THSD7A: variants seen among roughly 807,000 people sequenced by gnomAD.
The protein encoded by THSD7A is thrombospondin type 1 domain containing 7A.
THSD7A carries 96 observed loss-of-function variants against 231.3 expected under a neutral mutation model. The observed-to-expected ratio is 0.41, with a 90% confidence interval of 0.35 to 0.49. The LOEUF is 0.49. Among genes scored for constraint, THSD7A ranks in the 20% least tolerant of loss-of-function variants. THSD7A has a pLI of 0.05. For synonymous variants in THSD7A, 940 were observed against 743.3 expected, an observed-to-expected ratio of 1.26 and a Z score of -4.30; for missense variants, 2,290 against 2,070.2, an observed-to-expected ratio of 1.11 and a Z score of -2.06.
At chr7:11,652,175 C>A (rs953280418) in intron 1 of THSD7A, among the ~76,000 whole-genome samples, 1 of 151,774 alleles carries the variant, frequency 6.6e-6, no homozygotes, top group African/African-American at 2.4e-5. Flanking sequence ...TCATAAACCA[C>A]ACCAGTAAAC....
intron 4 of THSD7A, among the ~76,000 whole-genome samples, chr7:11,571,870 T>A (rs1167012271): frequency 6.6e-6 from 1 of 152,178 alleles, no homozygotes; most frequent in African/African-American, 2.4e-5. Flanking sequence ...TATAGGGTAT[T>A]TTTGCTGTTG....
intron 1 of THSD7A, among the ~76,000 whole-genome samples, chr7:11,697,876 C>G (rs988733784): frequency 6.6e-6 from 1 of 151,382 alleles, no homozygotes; most frequent in Non-Finnish European, 1.5e-5. Context: ...AAAAACAATA[C>G]CAATTAAATA....
chr7:11,732,355 A>C (rs951462916), intron 1 of THSD7A, among the ~76,000 whole-genome samples: 1 of 151,854 alleles, frequency 6.6e-6, no homozygotes, highest in African/African-American at 2.4e-5. Flanking sequence ...CAATGATGAA[A>C]ACCAAGTTCA....
intron 16 of THSD7A, 136 bp from the exon 17 acceptor site, chr7:11,417,739 G>T: frequency 2.4e-6 from 2 of 830,118 alleles, no homozygotes; most frequent in Non-Finnish European, 1.8e-6. Context: ...GGAGTAGGAA[G>T]CTTTGTTATC....
intron 6 of THSD7A, among the ~76,000 whole-genome samples, chr7:11,520,543 C>T (rs1358051977): frequency 6.6e-6 from 1 of 152,072 alleles, no homozygotes; most frequent in East Asian, 1.9e-4. Flanking sequence ...ATGTATATAT[C>T]TTTGCATATG....
At chr7:11,448,329 C>G (rs999066279) in intron 11 of THSD7A, among the ~76,000 whole-genome samples, 1 of 152,078 alleles carries the variant, frequency 6.6e-6, no homozygotes, top group Non-Finnish European at 1.5e-5. Context: ...GTTTAAAGCC[C>G]ACTTTCTCCC....
intron 4 of THSD7A, among the ~76,000 whole-genome samples, chr7:11,557,730 A>G (rs977293992): frequency 4.6e-5 from 7 of 152,140 alleles, no homozygotes; most frequent in African/African-American, 1.7e-4. Context: ...AGTTACTTTT[A>G]TGTGGCTGTG....
chr7:11,510,488 C>A (rs10243045), intron 6 of THSD7A, among the ~76,000 whole-genome samples: 26,504 of 152,152 alleles, frequency 0.17, 2,414 homozygotes, highest in Middle Eastern at 0.24. Flanking sequence ...GAATTTTAGA[C>A]CAATATCACT....
chr7:11,426,989 T>C (rs1784342545), intron 14 of THSD7A, among the ~76,000 whole-genome samples: 3 of 152,176 alleles, frequency 2.0e-5, no homozygotes. Flanking sequence ...AATTGATATA[T>C]GATGCAAATA....
chr7:11,733,728 A>G (rs1211633662), intron 1 of THSD7A, among the ~76,000 whole-genome samples: 1 of 151,944 alleles, frequency 6.6e-6, no homozygotes, highest in Non-Finnish European at 1.5e-5. Context: ...AATTAAGAAT[A>G]GATAGCTCCA....
rs1782313901 is a variant in THSD7A, at chr7:11,377,270, T to C, written c.4802-613A>G. Among the ~76,000 whole-genome samples the C allele has an allele frequency of 6.6e-6, 1 of 152,090 alleles. No individual in the cohort carries two copies. Among genetic ancestry groups the C allele is most frequent in the Non-Finnish European group, 1.5e-5 (1 of 67,974 alleles). On this transcript the variant is annotated intron_variant, in intron 26 of 27. Coordinates refer to ENST00000423059, the MANE Select transcript of THSD7A (RefSeq NM_015204.3). This position sits in a 1 kb window ranked among gnomAD's most constrained non-coding sequence, Gnocchi z 4.5. ...AAAAGGATCTATAAATAATTTTTTT[T>C]CTACCTTTTCTATTATATGGAATCA... is the stretch of plus-strand genomic sequence containing the variant.
chr7:11,595,065 T>C (rs1057124658), intron 2 of THSD7A, among the ~76,000 whole-genome samples: 1 of 152,196 alleles, frequency 6.6e-6, no homozygotes, highest in Non-Finnish European at 1.5e-5. Context: ...CCATCAGCCT[T>C]TCCACCTTTG....
intron 1 of THSD7A, among the ~76,000 whole-genome samples, chr7:11,672,724 G>A (rs1783445477): frequency 6.6e-6 from 1 of 152,092 alleles, no homozygotes; most frequent in Admixed American, 6.6e-5. Context: ...ACCTCACGGT[G>A]CTTTATGGAG....
chr7:11,476,318 TACAC>T (rs59127235), intron 7 of THSD7A, among the ~76,000 whole-genome samples: 7,826 of 137,252 alleles, frequency 0.057, 294 homozygotes, highest in African/African-American at 0.11. Context: ...CTCTGGAAGA[TACAC>T]ACACACACAC....
intron 1 of THSD7A, among the ~76,000 whole-genome samples, chr7:11,774,793 A>T (rs935386068): frequency 2.6e-5 from 4 of 152,174 alleles, no homozygotes; most frequent in Non-Finnish European, 4.4e-5. Flanking sequence ...TATGGCTCAC[A>T]CCTGTAATCC....
chr7:11,529,353 A>G (rs577025166), intron 6 of THSD7A, among the ~76,000 whole-genome samples: 74 of 152,212 alleles, frequency 4.9e-4, no homozygotes, highest in African/African-American at 1.8e-3. Context: ...TTATCTGATG[A>G]GTGTGTTATG....
chr7:11,789,669 A>T (rs1488807314), intron 1 of THSD7A, among the ~76,000 whole-genome samples: 4 of 151,968 alleles, frequency 2.6e-5, no homozygotes, highest in Non-Finnish European at 5.9e-5. Context: ...TATATAGCAG[A>T]TCTATAGAAC....
At chr7:11,466,565 C>G (rs1434616375) in intron 9 of THSD7A, among the ~76,000 whole-genome samples, 1 of 152,060 alleles carries the variant, frequency 6.6e-6, no homozygotes, top group Non-Finnish European at 1.5e-5. Context: ...TTTATTTCCT[C>G]AAATACCCAA....
At chr7:11,407,455 T>C (rs1378446059) in intron 19 of THSD7A, 32 bp from the exon 20 acceptor site, 1 of 1,543,068 alleles carries the variant, frequency 6.5e-7, no homozygotes, top group Non-Finnish European at 8.9e-7. Flanking sequence ...AGGATGTATA[T>C]TGTAAATTGG....
Sources: gnomAD v4.1 joint callset for allele counts (sites outside exome capture counted in the v4.1 genomes callset) on GRCh38, gnomAD v4.1.1 for gene constraint, Gnocchi (gnomAD v3.1) non-coding constraint, MANE v1.5 for transcripts, NCBI Gene and HGNC (gene_info 2026-07-23, HGNC 2026-07-21) for gene names.